CD46: variants seen among roughly 807,000 people sequenced by gnomAD.
CD46 encodes CD46 molecule.
CD46 carries 30 observed loss-of-function variants against 53.3 expected under a neutral mutation model. The ratio of observed to expected loss-of-function variants is 0.56; its 90% CI spans 0.42 to 0.76. The LOEUF (loss-of-function observed/expected upper bound fraction) is 0.76, where lower values mean the gene tolerates loss of function less well. Ranked by LOEUF, CD46 falls within the 30% of genes least tolerant of loss-of-function variation. The pLI is 0.00. For missense variants in CD46, 409 were observed against 463.0 expected (o/e 0.88, Z 1.07); for synonymous variants, 142 against 152.0 (o/e 0.93, Z 0.48).
Position 207,793,676 on chromosome 1 carries a change from T to TGA in CD46, c.*201_*202dup. 1 of 1,084,168 alleles carries TGA rather than the reference T, an allele frequency of 9.2e-7. No homozygotes were observed. Among genetic ancestry groups the TGA allele is most frequent in the Non-Finnish European group, 1.4e-6 (1 of 704,604 alleles). The allele number at this position is 1,084,168 out of a possible 1,614,324, so 67.2% of individuals were successfully genotyped here. A position where few individuals can be genotyped will look rare whatever the true frequency, so the allele number is the denominator to read the frequency against. On this transcript the variant is annotated 3_prime_UTR_variant, in exon 13 of 13. Coordinates refer to ENST00000367042, the MANE Select transcript of CD46 (RefSeq NM_172351.3). ...TTGTTATTCTGTAGTTTCACTCTCATGAGTGCAACTGTGGCTTAGCTAATA... is the reference window on the plus strand; with the variant it reads ...TTGTTATTCTGTAGTTTCACTCTCATGAGAGTGCAACTGTGGCTTAGCTAATA...
At position 207,782,382 on chromosome 1, in the gene CD46, C is replaced by T. The variant is rs41317965; in HGVS notation, c.944-910C>T. Among the ~76,000 whole-genome samples the T allele has an allele frequency of 3.4e-3, 524 of 152,116 alleles. 4 individuals carry two copies. Among genetic ancestry groups the T allele is most frequent in the African/African-American group, 0.012 (508 of 41,504 alleles). The stretch of plus-strand genomic sequence containing the variant: ...AAGATCATGTCATCTGCAAACAGAG[C>T]GAATTTTATTTCTTCCTTTCTAATT... On this transcript the variant is annotated intron_variant, in intron 8 of 12. Transcript: ENST00000367042.
Position 207,759,757 on chromosome 1 carries a change from A to G in CD46, c.475+33A>G, listed in dbSNP as rs576737952. 1.1e-4 allele frequency: 144 copies of G among 1,295,746 alleles called. 1 individual carries two copies. The South Asian group carries it at 1.6e-3, about 15-fold the overall frequency. The allele number at this position is 1,295,746 out of a possible 1,614,324, so 80.3% of individuals were successfully genotyped here. On this transcript the variant is annotated intron_variant, in intron 4 of 12. Transcript: ENST00000367042. The stretch of plus-strand genomic sequence containing the variant: ...AATTCTTTTTTTTTAAATTTAGACC[A>G]GTAGTCCTCAAAGATTTTTGCCTCC...
In CD46 at chr1:207,757,208, TAAAC is replaced by T; in HGVS notation, c.286+11_286+14del. On this transcript the variant is annotated splice_region_variant and intron_variant, in intron 2 of 12. Transcript: ENST00000367042. ...CTCAGATGACGCCTGTTATAGTAAG[TAAAC>T]AAACCTCTTTTTTTTTTCTGCTTGC... The T allele has an allele frequency of 6.2e-7, 1 of 1,609,816 alleles. No homozygotes were observed.
intron 12 of CD46, among the ~76,000 whole-genome samples, chr1:207,791,452 G>C (rs1659792153): frequency 6.6e-6 from 1 of 152,224 alleles, no homozygotes; most frequent in African/African-American, 2.4e-5. Context: ...TACCGTGACA[G>C]TCAATCTGAT....
intron 8 of CD46, among the ~76,000 whole-genome samples, chr1:207,781,572 A>G (rs893960250): frequency 3.9e-5 from 6 of 152,098 alleles, no homozygotes; most frequent in African/African-American, 1.4e-4. Context: ...TCTTATGTTT[A>G]GGTCTCTGAT....
rs1360771879 is a variant in CD46, at chr1:207,774,272, G to T, written c.943+3910G>T. 4.6e-5 allele frequency among the ~76,000 whole-genome samples: 7 copies of T among 151,838 alleles called. No homozygotes were observed. In the East Asian group the frequency reaches 1.2e-3, roughly 25 times the overall value. ...CTGTCCCTTTATTTTGAGCCTATGTGCATCTTTGCATGTGAGATAGGTCTC... is the reference window on the plus strand; with the variant it reads ...CTGTCCCTTTATTTTGAGCCTATGTTCATCTTTGCATGTGAGATAGGTCTC... On this transcript the variant is annotated intron_variant, in intron 8 of 12. Coordinates refer to ENST00000367042, the MANE Select transcript of CD46 (RefSeq NM_172351.3).
chr1:207,770,590 C>G (rs1428206903), intron 8 of CD46, among the ~76,000 whole-genome samples: 1 of 152,022 alleles, frequency 6.6e-6, no homozygotes, highest in Admixed American at 6.6e-5. Flanking sequence ...GTGTGATGTT[C>G]CCCACCCTGT....
In CD46 at chr1:207,794,418, C is replaced by A. The variant is rs1660071789; in HGVS notation, c.*941C>A. 1 of 152,132 alleles carries A rather than the reference C, an allele frequency of 6.6e-6. No individual in the cohort carries two copies. The highest frequency in any genetic ancestry group is 2.4e-5 in the African/African-American group (1 of 41,402). The allele number at this position is 152,132 out of a possible 1,614,324, so 9.4% of individuals were successfully genotyped here. ...CCGTATGTTCTCTTAGGTTGAGTAA[C>A]CCACTCTGAATTCTGGTTACATGTG... On this transcript the variant is annotated 3_prime_UTR_variant, in exon 13 of 13. Coordinates refer to ENST00000367042, the MANE Select transcript of CD46 (RefSeq NM_172351.3).
rs746757476 is a variant in CD46 at position 207,761,264 on chromosome 1, C to T, written c.491C>T (p.Pro164Leu). Reference protein sequence around the residue: ...PPICEKVLCTPPPKIKNGKHT... With the variant: ...PPICEKVLCTLPPKIKNGKHT... ...CATTTTTAAGAGGTTTTGTGTACAC[C>T]ACCTCCAAAAATAAAAAATGGAAAA... The change falls in exon 5 of 13, where the codon CCA becomes CTA. Residue 164 changes from proline (P) to leucine (L), a missense_variant. Transcript: ENST00000367042. 4.4e-6 allele frequency: 7 copies of T among 1,607,036 alleles called. No individual in the cohort carries two copies. Among genetic ancestry groups the T allele is most frequent in the Non-Finnish European group, 5.1e-6 (6 of 1,173,976 alleles).
intron 8 of CD46, among the ~76,000 whole-genome samples, chr1:207,776,940 T>C (rs2102646519): frequency 6.6e-6 from 1 of 152,338 alleles, no homozygotes; most frequent in Non-Finnish European, 1.5e-5. Context: ...CCGGCCAATT[T>C]ACATTTCTTT....
intron 8 of CD46, among the ~76,000 whole-genome samples, chr1:207,771,771 C>A (rs2102619262): frequency 6.6e-6 from 1 of 152,226 alleles, no homozygotes; most frequent in Non-Finnish European, 1.5e-5. Flanking sequence ...TGTTTTGGTA[C>A]CAGTACCATG....
Position 207,761,275 on chromosome 1 carries a change from A to G in CD46, c.502A>G (p.Ile168Val), listed in dbSNP as rs775274876. 3.1e-6 allele frequency: 5 copies of G among 1,612,264 alleles called. No homozygotes were observed. Among genetic ancestry groups the G allele is most frequent in the Middle Eastern group, 1.7e-4 (1 of 6,056 alleles). Residue 168 changes from isoleucine (I) to valine (V), a missense_variant, in exon 5 of 13, where the codon ATA becomes GTA. Transcript: ENST00000367042. The part of the protein sequence containing the change: ...EKVLCTPPPK[I>V]KNGKHTFSEV... ...GGTTTTGTGTACACCACCTCCAAAA[A>G]TAAAAAATGGAAAACACACCTTTAG...
chr1:207,756,896 A>C (rs1270662804), intron 1 of CD46, 118 bp from the exon 2 acceptor site: 1 of 795,304 alleles, frequency 1.3e-6, no homozygotes, highest in Admixed American at 1.9e-5. Flanking sequence ...ACAGTCATTT[A>C]AAATCTTGCC....
chr1:207,752,211 G>A lies in CD46; in HGVS notation c.-2G>A. Reference sequence around the variant, plus strand: ...GAAATAACAGCGTCTTCCGCGCCGCGCATGGAGCCTCCCGGCCGCCGCGAG... The same window carrying A: ...GAAATAACAGCGTCTTCCGCGCCGCACATGGAGCCTCCCGGCCGCCGCGAG... On this transcript the variant is annotated 5_prime_UTR_variant, in exon 1 of 13. Transcript: ENST00000367042. This position sits in a 1 kb window ranked among gnomAD's most constrained non-coding sequence, Gnocchi z 4.1. The A allele has an allele frequency of 9.3e-6, 15 of 1,613,472 alleles. No homozygotes were observed. Among genetic ancestry groups the A allele is most frequent in the Non-Finnish European group, 1.3e-5 (15 of 1,179,824 alleles).
rs374818245 is a variant in CD46, at chr1:207,788,332, C to T, written c.1083-1921C>T. Among the ~76,000 whole-genome samples, 118 of 145,310 alleles carry T rather than the reference C, an allele frequency of 8.1e-4. 2 individuals are homozygous for T. In the East Asian group the frequency reaches 0.016, roughly 19 times the overall value. On this transcript the variant is annotated intron_variant, in intron 11 of 12. Transcript: ENST00000367042. ...GAGATCAAGACCATCCTGGCTAACACGGTGAAACCCCGTCTCTACTAAAAA... is the reference window on the plus strand; with the variant it reads ...GAGATCAAGACCATCCTGGCTAACATGGTGAAACCCCGTCTCTACTAAAAA...
At chr1:207,760,811 G>A (rs918776286) in intron 4 of CD46, 1 of 169,044 alleles carries the variant, frequency 5.9e-6, no homozygotes, top group African/African-American at 2.4e-5. Context: ...AGCAAGGTGG[G>A]GAGGACGGGA....
chr1:207,772,479 C>G lies in CD46; in HGVS notation c.943+2117C>G, dbSNP rs181248732. 2.3e-4 allele frequency among the ~76,000 whole-genome samples: 35 copies of G among 152,250 alleles called. No individual in the cohort carries two copies. In the East Asian group the frequency reaches 6.4e-3, roughly 28 times the overall value. On this transcript the variant is annotated intron_variant, in intron 8 of 12. Coordinates refer to ENST00000367042, the MANE Select transcript of CD46 (RefSeq NM_172351.3). Reference sequence around the variant, plus strand: ...GAGAGAGGGCATCCTTGTCTTGTGCCGGTTTCCAAAGGGAATGTCCAGTTT... The same window carrying G: ...GAGAGAGGGCATCCTTGTCTTGTGCGGGTTTCCAAAGGGAATGTCCAGTTT...
chr1:207,759,564 T>C (rs1392524873), intron 3 of CD46, 75 bp from the exon 4 acceptor site: 2 of 814,856 alleles, frequency 2.5e-6, no homozygotes, highest in Middle Eastern at 3.4e-4. Flanking sequence ...AGAAACCATA[T>C]AAAAAATTCC....
intron 5 of CD46, among the ~76,000 whole-genome samples, chr1:207,761,921 T>C (rs1656265979): frequency 6.6e-6 from 1 of 152,214 alleles, no homozygotes; most frequent in Non-Finnish European, 1.5e-5. Flanking sequence ...GAAGACCATG[T>C]AGGGGACTTG....
Sources: gnomAD v4.1 joint callset for allele counts (sites outside exome capture counted in the v4.1 genomes callset) on GRCh38, gnomAD v4.1.1 for gene constraint, Gnocchi (gnomAD v3.1) non-coding constraint, MANE v1.5 for transcripts, NCBI Gene and HGNC (gene_info 2026-07-23, HGNC 2026-07-21) for gene names.